The following ATP9A variants were observed in gnomAD, a reference collection of about 807,000 sequenced individuals.
ATP9A encodes ATPase phospholipid transporting 9A, also known as probable phospholipid-transporting ATPase IIA.
In ATP9A, 52 loss-of-function variants were observed where a neutral mutation model predicts 144.1. The ratio of observed to expected loss-of-function variants is 0.36; its 90% CI spans 0.29 to 0.45. ATP9A has a LOEUF of 0.45. Ranked by LOEUF, ATP9A falls within the 20% of genes least tolerant of loss-of-function variation. The pLI is 1.00. For missense variants in ATP9A, 947 were observed against 1,392.7 expected (o/e 0.68, Z 5.09); for synonymous variants, 582 against 557.4 (o/e 1.04, Z -0.62).
At chr20:51,688,301 G>GA (rs1429239426) in intron 9 of ATP9A, among the ~76,000 whole-genome samples, 38 of 152,114 alleles carry the variant, frequency 2.5e-4, no homozygotes, top group Non-Finnish European at 4.6e-4. Flanking sequence ...AGCACTGAAA[G>GA]ACACCAATGG....
At position 51,596,535 on chromosome 20, in the gene ATP9A, A is replaced by G. The variant is rs976202655; in HGVS notation, c.*4676T>C. 2.6e-5 allele frequency: 4 copies of G among 151,902 alleles called. No individual in the cohort carries two copies. Among genetic ancestry groups the G allele is most frequent in the African/African-American group, 7.3e-5 (3 of 41,314 alleles). The allele number at this position is 151,902 out of a possible 1,614,324, so 9.4% of individuals were successfully genotyped here. On this transcript the variant is annotated 3_prime_UTR_variant, in exon 28 of 28. Transcript: ENST00000338821. The stretch of plus-strand genomic sequence containing the variant: ...ATGGTTTTCATCTTATTTTCCATTT[A>G]TATCTATCACCTTTTGAAATTCTGA...
chr20:51,677,449 C>T (rs1227861383), intron 9 of ATP9A, among the ~76,000 whole-genome samples: 1 of 152,138 alleles, frequency 6.6e-6, no homozygotes, highest in Admixed American at 6.6e-5. Context: ...GAGCCTTCTC[C>T]TTTTACCACA....
In ATP9A at chr20:51,649,355, C is replaced by G. The variant is rs371324171; in HGVS notation, c.1506+7583G>C. Among the ~76,000 whole-genome samples the G allele has an allele frequency of 6.6e-5, 10 of 152,278 alleles. No individual in the cohort carries two copies. In the East Asian group the frequency reaches 9.7e-4, roughly 15 times the overall value. On this transcript the variant is annotated intron_variant, in intron 14 of 27. Coordinates refer to ENST00000338821, the MANE Select transcript of ATP9A (RefSeq NM_006045.3). ...CATGGGCTGTCTGGTTTTAATCGTG[C>G]CAGCTATGCGACCATGGGAACTTTC...
chr20:51,650,533 C>CA lies in ATP9A; in HGVS notation c.1506+6404dup, dbSNP rs1168011793. The stretch of plus-strand genomic sequence containing the variant: ...TGGGTGACAGAGTGAGACTCCGTCT[C>CA]AAAAAAAAAAATAAAAAATAAAAAA... On this transcript the variant is annotated intron_variant, in intron 14 of 27. Transcript: ENST00000338821. 7.1e-4 allele frequency among the ~76,000 whole-genome samples: 93 copies of CA among 131,620 alleles called. 2 individuals are homozygous for CA. Among genetic ancestry groups the CA allele is most frequent in the South Asian group, 1.9e-3 (8 of 4,282 alleles). The allele number at this position is 131,620 out of a possible 152,430, so 86.3% of individuals were successfully genotyped here.
Position 51,618,985 on chromosome 20 carries a change from CA to C in ATP9A, c.2173del (p.Cys725ValfsTer31). On this transcript the variant is annotated frameshift_variant, in exon 20 of 28. Coordinates refer to ENST00000338821, the MANE Select transcript of ATP9A (RefSeq NM_006045.3). LOFTEE classifies it high-confidence loss of function. ...GGAGTCTCCCGAGATGACCAGGGCA[CA>C]ATCATGCTTCCTGCGGAAGGCGTTC... ...ELNAFRRKHD[C>X]ALVISGDSLE... The C allele has an allele frequency of 6.2e-7, 1 of 1,614,158 alleles. No individual in the cohort carries two copies. The highest frequency in any genetic ancestry group is 8.5e-7 in the Non-Finnish European group (1 of 1,180,020).
chr20:51,675,695 CAT>C (rs2077474034), intron 10 of ATP9A, among the ~76,000 whole-genome samples: 1 of 152,144 alleles, frequency 6.6e-6, no homozygotes, highest in Non-Finnish European at 1.5e-5. Flanking sequence ...GCCTGGCCAA[CAT>C]GGTGAAACCC....
intron 11 of ATP9A, 41 bp downstream of exon 11, chr20:51,674,112 A>C (rs770971906): frequency 1.1e-5 from 18 of 1,589,040 alleles, no homozygotes; most frequent in East Asian, 2.2e-5. Context: ...AAAGAGAAGA[A>C]GATGTCACGG....
In ATP9A at chr20:51,608,652, AGACCTGGCT is replaced by A. The variant is rs755167521; in HGVS notation, c.2637-35_2637-27del. On this transcript the variant is annotated intron_variant, in intron 24 of 27. Transcript: ENST00000338821. ...CTGGGAGAGAAAACCGCCATAGGTA[AGACCTGGCT>A]GACGCGATAGGAGCTATGTGCTGTG... is the stretch of plus-strand genomic sequence containing the variant. 4 of 1,469,220 alleles carry A rather than the reference AGACCTGGCT, an allele frequency of 2.7e-6. No individual in the cohort carries two copies. In the East Asian group the frequency reaches 9.1e-5, roughly 33 times the overall value. 91.0% of individuals were successfully genotyped at this position (1,469,220 alleles called of 1,614,324 possible).
chr20:51,696,094 G>C lies in ATP9A; in HGVS notation c.546C>G (p.Asn182Lys), dbSNP rs200090149. 6.2e-7 allele frequency: 1 copy of C among 1,612,986 alleles called. No homozygotes were observed. Among genetic ancestry groups the C allele is most frequent in the Non-Finnish European group, 8.5e-7 (1 of 1,179,058 alleles). The change falls in exon 6 of 28, where the codon AAC (asparagine) becomes AAG (lysine). Residue 182 changes from asparagine to lysine, a missense_variant and splice_region_variant. By Grantham distance (94) the Asn-to-Lys change is moderately conservative. This residue lies in a region of ATP9A where 770 missense variants were observed against 1,047.9 expected (regional missense o/e 0.73). Transcript: ENST00000338821. ...DMIFLRTSEK[N>K]GSCFLRTDQL... ...TCCAAATTGATCTCAGATGTTTACC[G>C]TTTTTTTCTGATGTCCTCAGGAAGA...
intron 15 of ATP9A, among the ~76,000 whole-genome samples, chr20:51,631,874 A>C (rs2077271396): frequency 6.6e-6 from 1 of 152,146 alleles, no homozygotes. Context: ...TCCTTCTCCA[A>C]CCTTGCCTGA....
chr20:51,680,997 T>A (rs995615353), intron 9 of ATP9A, among the ~76,000 whole-genome samples: 1 of 151,738 alleles, frequency 6.6e-6, no homozygotes, highest in Non-Finnish European at 1.5e-5. Context: ...TTCAGACAAG[T>A]GAAAATGTAT....
At chr20:51,659,480 A>G (rs927331920) in intron 13 of ATP9A, among the ~76,000 whole-genome samples, 5 of 152,200 alleles carry the variant, frequency 3.3e-5, no homozygotes, top group Non-Finnish European at 7.3e-5. Context: ...TTCATTTTCA[A>G]GAAGTAACAA....
chr20:51,620,743 C>T (rs553378404), intron 19 of ATP9A, among the ~76,000 whole-genome samples: 6 of 151,960 alleles, frequency 3.9e-5, no homozygotes, highest in Non-Finnish European at 8.8e-5. Flanking sequence ...ACCGGATACT[C>T]GATGGACTGC....
At chr20:51,719,722 ACT>A (rs1335435584) in intron 3 of ATP9A, among the ~76,000 whole-genome samples, 1 of 115,316 alleles carries the variant, frequency 8.7e-6, no homozygotes, top group African/African-American at 3.3e-5. Context: ...ACAGATCAAG[ACT>A]CTGTCTCAAA....
rs549837728 is a variant in ATP9A, at chr20:51,729,480, C to G, written c.213+354G>C. Among the ~76,000 whole-genome samples, 48 of 152,292 alleles carry G rather than the reference C, an allele frequency of 3.2e-4. 1 individual carries two copies. The South Asian group carries it at 6.6e-3, about 21-fold the overall frequency. ...GACTGTACCGGCGGGCAAGGTGGCT[C>G]ACATCTGTAATCCCAGCACTTTGAG... On this transcript the variant is annotated intron_variant, in intron 2 of 27. Transcript: ENST00000338821.
intron 4 of ATP9A, among the ~76,000 whole-genome samples, chr20:51,698,636 G>C (rs534166885): frequency 1.3e-5 from 2 of 152,286 alleles, no homozygotes; most frequent in South Asian, 2.1e-4. Flanking sequence ...TGGATGAAAG[G>C]GGTTGGAGAA....
At chr20:51,666,789 G>A (rs2077434970) in intron 13 of ATP9A, among the ~76,000 whole-genome samples, 1 of 152,080 alleles carries the variant, frequency 6.6e-6, no homozygotes, top group Non-Finnish European at 1.5e-5. Flanking sequence ...CAGGGGTGAT[G>A]TGCATATTTG....
At chr20:51,677,615 G>T (rs1376933141) in intron 9 of ATP9A, among the ~76,000 whole-genome samples, 2 of 152,136 alleles carry the variant, frequency 1.3e-5, no homozygotes, top group Admixed American at 6.6e-5. Context: ...TGGAAACTTG[G>T]AAACAGATGC....
At chr20:51,658,120 G>A (rs548313597) in intron 13 of ATP9A, among the ~76,000 whole-genome samples, 1 of 152,304 alleles carries the variant, frequency 6.6e-6, no homozygotes, top group African/African-American at 2.4e-5. Context: ...AAGCAGCTAG[G>A]ACACCTGCAG....
Sources: allele counts gnomAD v4.1 joint callset (sites outside exome capture counted in the v4.1 genomes callset), GRCh38; gene constraint gnomAD v4.1.1; regional missense constraint gnomAD v4.1.1; transcripts MANE v1.5; gene names NCBI Gene and HGNC (gene_info 2026-07-23, HGNC 2026-07-21).